ABCA13: variants seen among roughly 807,000 people sequenced by gnomAD.
ABCA13 encodes ATP binding cassette subfamily A member 13.
In ABCA13, 476 loss-of-function variants were observed where a neutral mutation model predicts 478.7. The observed-to-expected ratio is 0.99, with a 90% CI of 0.92 to 1.07. ABCA13 has a LOEUF of 1.07. Among genes scored for constraint, ABCA13 ranks in the 50% least tolerant of loss-of-function variants. ABCA13 has a pLI of 0.00. For missense variants in ABCA13, 6,060 were observed against 5,910.6 expected (o/e 1.03, Z -0.83); for synonymous variants, 2,252 against 2,158.9 (o/e 1.04, Z -1.20).
chr7:48,504,295 A>G (rs1391687580), intron 48 of ABCA13, among the ~76,000 whole-genome samples: 3 of 152,080 alleles, frequency 2.0e-5, no homozygotes, highest in South Asian at 4.1e-4. Flanking sequence ...ATATTTTTCT[A>G]TTTCTTTCTG....
intron 1 of ABCA13, among the ~76,000 whole-genome samples, chr7:48,180,730 G>C (rs1414967724): frequency 6.6e-6 from 1 of 152,050 alleles, no homozygotes; most frequent in East Asian, 1.9e-4. Flanking sequence ...CGTGGCCGAT[G>C]CTGGACATCT....
At position 48,274,781 on chromosome 7, in the gene ABCA13, G is replaced by T. The variant is rs1305870206; in HGVS notation, c.5115G>T (p.Val1705=). ...GTAGTGTGGGAACTGGCAATTTAGT[G>T]GTCAATTTGCTTGTTGGCTTGATGG... ...NISSVGTGNL[V]VNLLVGLMEK... The change falls in exon 17 of 62, where the codon GTG becomes GTT. Residue 1705 remains valine, a synonymous_variant. Coordinates refer to ENST00000435803, the MANE Select transcript of ABCA13 (RefSeq NM_152701.5). 6.2e-7 allele frequency: 1 copy of T among 1,613,952 alleles called. No homozygotes were observed. The highest frequency in any genetic ancestry group is 1.1e-5 in the South Asian group (1 of 91,076).
At chr7:48,235,456 G>T (rs1789803767) in intron 8 of ABCA13, among the ~76,000 whole-genome samples, 1 of 152,214 alleles carries the variant, frequency 6.6e-6, no homozygotes, top group Admixed American at 6.5e-5. Context: ...AAATACCACT[G>T]TGTATATCAA....
At chr7:48,370,590 T>A (rs548414331) in intron 32 of ABCA13, among the ~76,000 whole-genome samples, 66 of 152,156 alleles carry the variant, frequency 4.3e-4, no homozygotes, top group African/African-American at 1.3e-3. Flanking sequence ...AAAAGAACAC[T>A]CAAAACCATG....
rs369293991 is a variant in ABCA13, at chr7:48,294,391, C to T, written c.8956-1309C>T. Among the ~76,000 whole-genome samples, 3 of 151,388 alleles carry T rather than the reference C, an allele frequency of 2.0e-5. No individual in the cohort carries two copies. The East Asian group carries it at 5.8e-4, about 29-fold the overall frequency. On this transcript the variant is annotated intron_variant, in intron 20 of 61. Transcript: ENST00000435803. Reference sequence around the variant, plus strand: ...ATCTTCATTCCTCCCAAGTTCATCCCTGGTAACCACCACCCTATGCTTTGT... The same window carrying T: ...ATCTTCATTCCTCCCAAGTTCATCCTTGGTAACCACCACCCTATGCTTTGT...
rs1253619380 is a variant in ABCA13 at position 48,274,458 on chromosome 7, T to G, written c.4792T>G (p.Tyr1598Asp). ...KDVNSVGNSIYHLASYLAFSL... is the reference protein window; with the variant it reads ...KDVNSVGNSIDHLASYLAFSL... Reference sequence around the variant, plus strand: ...TGTAAACAGTGTAGGCAATTCCATTTATCACTTAGCTAGTTACCTTGCCTT... The same window carrying G: ...TGTAAACAGTGTAGGCAATTCCATTGATCACTTAGCTAGTTACCTTGCCTT... The change falls in exon 17 of 62, where the codon TAT becomes GAT. Residue 1598 changes from tyrosine (Y) to aspartate (D), a missense_variant. Tyr to Asp is a radical substitution (Grantham distance 160). Around this residue, in one of 3 missense-constraint regions of ABCA13, gnomAD observed 4,423 missense variants for 4,309.1 expected, o/e 1.03. Transcript: ENST00000435803. 1 of 1,613,868 alleles carries G rather than the reference T, an allele frequency of 6.2e-7. No homozygotes were observed. The highest frequency in any genetic ancestry group is 1.1e-5 in the South Asian group (1 of 91,086).
At chr7:48,460,158 A>G (rs1304289479) in intron 43 of ABCA13, among the ~76,000 whole-genome samples, 1 of 152,204 alleles carries the variant, frequency 6.6e-6, no homozygotes, top group African/African-American at 2.4e-5. Context: ...CAGTGGATGT[A>G]TGTGGCCAGT....
At chr7:48,517,237 C>G (rs764949661) in intron 52 of ABCA13, among the ~76,000 whole-genome samples, 4 of 151,946 alleles carry the variant, frequency 2.6e-5, no homozygotes, top group Non-Finnish European at 5.9e-5. Flanking sequence ...TGAAACATGC[C>G]CTCTCAATGT....
intron 42 of ABCA13, among the ~76,000 whole-genome samples, chr7:48,429,277 T>A (rs1021161345): frequency 2.0e-4 from 30 of 152,238 alleles, no homozygotes; most frequent in African/African-American, 7.2e-4. Flanking sequence ...TGTGGATATG[T>A]TTTCTCTTAC....
chr7:48,322,548 C>G (rs926674042), intron 27 of ABCA13, among the ~76,000 whole-genome samples: 2 of 152,134 alleles, frequency 1.3e-5, no homozygotes, highest in African/African-American at 4.8e-5. Context: ...CTCCCTGTTC[C>G]CACTCTCCCT....
At chr7:48,197,393 G>T (rs1166911402) in intron 2 of ABCA13, among the ~76,000 whole-genome samples, 1 of 152,192 alleles carries the variant, frequency 6.6e-6, no homozygotes, top group Non-Finnish European at 1.5e-5. Flanking sequence ...CCCTGGGGAG[G>T]TAGTGAGGTG....
intron 59 of ABCA13, among the ~76,000 whole-genome samples, chr7:48,641,784 G>GC (rs1378535604): frequency 2.0e-5 from 3 of 152,146 alleles, no homozygotes; most frequent in Non-Finnish European, 4.4e-5. Context: ...ACCTTGGGAA[G>GC]CCCCTTCAAC....
chr7:48,411,932 G>T (rs1819310896), intron 40 of ABCA13, among the ~76,000 whole-genome samples: 1 of 152,078 alleles, frequency 6.6e-6, no homozygotes, highest in Admixed American at 6.5e-5. Context: ...TTATCCCCAG[G>T]TGGCTCCTTT....
chr7:48,258,675 G>C (rs116730039), intron 15 of ABCA13, among the ~76,000 whole-genome samples: 3 of 152,078 alleles, frequency 2.0e-5, no homozygotes, highest in African/African-American at 7.2e-5. Flanking sequence ...GTTTGCTCTT[G>C]TTTGTCTAGT....
chr7:48,539,180 G>A (rs953150824), intron 55 of ABCA13, among the ~76,000 whole-genome samples: 9 of 152,054 alleles, frequency 5.9e-5, no homozygotes, highest in Non-Finnish European at 1.0e-4. Context: ...CAGAGTTTGA[G>A]ACCGGTCTGG....
intron 3 of ABCA13, among the ~76,000 whole-genome samples, chr7:48,207,390 T>G (rs1785064335): frequency 6.6e-6 from 1 of 152,162 alleles, no homozygotes; most frequent in African/African-American, 2.4e-5. Flanking sequence ...TTCTCCATAG[T>G]GGCTGTACTG....
Position 48,187,720 on chromosome 7 carries a change from T to C in ABCA13, c.70-5239T>C, listed in dbSNP as rs534108061. 1.4e-3 allele frequency among the ~76,000 whole-genome samples: 212 copies of C among 152,184 alleles called. 2 individuals carry two copies. Among genetic ancestry groups the C allele is most frequent in the Non-Finnish European group, 2.2e-3 (150 of 67,980 alleles). On this transcript the variant is annotated intron_variant, in intron 1 of 61. Transcript: ENST00000435803. ...TCCACAGTGATGATTTTTTTGTTTT[T>C]TTTCTTAGATCCACAATCTCTTTTT...
intron 41 of ABCA13, among the ~76,000 whole-genome samples, chr7:48,424,882 C>T (rs1180786684): frequency 6.6e-6 from 1 of 152,156 alleles, no homozygotes; most frequent in Non-Finnish European, 1.5e-5. Context: ...TTTATTTGCC[C>T]TCTCTGTTAA....
At position 48,275,844 on chromosome 7, in the gene ABCA13, C is replaced by G. The variant is rs1479234370; in HGVS notation, c.6178C>G (p.Pro2060Ala). ...ACCTTACAACTTTGAAGAACTATGG[C>G]CCAAGTTTCAACAAATCATGAAAGA... ...ETPYNFEELW[P>A]KFQQIMKDLT... The change falls in exon 17 of 62, where the codon CCC (proline) becomes GCC (alanine). Residue 2060 changes from proline to alanine, a missense_variant. Coordinates refer to ENST00000435803, the MANE Select transcript of ABCA13 (RefSeq NM_152701.5). 7 of 1,613,072 alleles carry G rather than the reference C, an allele frequency of 4.3e-6. No individual in the cohort carries two copies. Among genetic ancestry groups the G allele is most frequent in the African/African-American group, 1.3e-5 (1 of 74,892 alleles).
Sources: gnomAD v4.1 joint callset for allele counts (sites outside exome capture counted in the v4.1 genomes callset) on GRCh38, gnomAD v4.1.1 for gene constraint, gnomAD v4.1.1 regional missense constraint, MANE v1.5 for transcripts, NCBI Gene and HGNC (gene_info 2026-07-23, HGNC 2026-07-21) for gene names.